The following C2CD3 variants were observed in gnomAD, a reference collection of about 807,000 sequenced individuals.
C2CD3 encodes the protein C2 domain-containing protein 3.
C2CD3 carries 148 observed loss-of-function variants against 234.0 expected under a neutral mutation model. That is an observed-to-expected ratio of 0.63 (90% CI 0.55 to 0.72). The LOEUF (loss-of-function observed/expected upper bound fraction) is 0.72, where lower values mean the gene tolerates loss of function less well. C2CD3 is among the 30% of genes least tolerant of loss of function. The pLI, the probability that C2CD3 is intolerant of heterozygous loss-of-function variation, is 0.00. For missense variants in C2CD3, 2,577 were observed against 2,811.5 expected, an observed-to-expected ratio of 0.92 and a Z score of 1.89; for synonymous variants, 1,000 against 1,035.4, an observed-to-expected ratio of 0.97 and a Z score of 0.66.
At chr11:74,049,693 C>G in intron 26 of C2CD3, 151 bp from the exon 27 acceptor site, 1 of 636,166 alleles carries the variant, frequency 1.6e-6, no homozygotes, top group African/African-American at 1.8e-5. Context: ...TTGAGAGGGA[C>G]TGGCAACCAA....
At chr11:74,033,251 C>T in intron 31 of C2CD3, 100 bp downstream of exon 31, 1 of 930,674 alleles carries the variant, frequency 1.1e-6, no homozygotes. Context: ...CTTTCCATGC[C>T]CCCTAGTGCA....
At chr11:74,076,126 A>C (rs1292470630) in intron 23 of C2CD3, among the ~76,000 whole-genome samples, 1 of 152,224 alleles carries the variant, frequency 6.6e-6, no homozygotes, top group Non-Finnish European at 1.5e-5. Context: ...AACTTGGTTC[A>C]CTTCAAGGAC....
chr11:74,082,201 C>T (rs886977454), intron 22 of C2CD3, among the ~76,000 whole-genome samples: 16 of 151,676 alleles, frequency 1.1e-4, no homozygotes, highest in African/African-American at 2.9e-4. Flanking sequence ...CTAAATACTC[C>T]GCCTCCCGGG....
chr11:74,123,161 A>T, intron 7 of C2CD3, 26 bp from the exon 8 acceptor site: 1 of 1,584,554 alleles, frequency 6.3e-7, no homozygotes, highest in Non-Finnish European at 8.6e-7. Flanking sequence ...AACAAAGCAG[A>T]AGAATTTTAA....
In C2CD3 at chr11:74,170,879, C is replaced by A. The variant is rs1591000233; in HGVS notation, c.-87G>T. ...CCGCCATCCCTCCCCACGGCGCCTG[C>A]GTTCCCCGGCAACCGGCGCCGCTGG... On this transcript the variant is annotated 5_prime_UTR_variant, in exon 1 of 33. Coordinates refer to ENST00000334126, the MANE Select transcript of C2CD3 (RefSeq NM_001286577.2). 6.6e-7 allele frequency: 1 copy of A among 1,505,078 alleles called. No individual in the cohort carries two copies. The highest frequency in any genetic ancestry group is 2.6e-5 in the East Asian group (1 of 38,142). 93.2% of individuals were successfully genotyped at this position (1,505,078 alleles called of 1,614,324 possible).
Position 74,095,402 on chromosome 11 carries a change from C to T in C2CD3, c.2986G>A (p.Asp996Asn), listed in dbSNP as rs768362091. 1 of 1,609,350 alleles carries T rather than the reference C, an allele frequency of 6.2e-7. No individual in the cohort carries two copies. Residue 996 changes from aspartate (D) to asparagine (N), a missense_variant, in exon 17 of 33, where the codon GAC becomes AAC. Physicochemically the swap from Asp to Asn is conservative, Grantham distance 23 (BLOSUM62 1). Coordinates refer to ENST00000334126, the MANE Select transcript of C2CD3 (RefSeq NM_001286577.2). ...TGCTCCATCAGTCCATTTCCTCGGT[C>T]CTCTGCCTATTAAATGAAACAGAAA... ...PTAASVAMAE[D>N]RGNGLMEHCF...
intron 20 of C2CD3, among the ~76,000 whole-genome samples, chr11:74,089,650 C>A (rs980736188): frequency 6.6e-6 from 1 of 152,194 alleles, no homozygotes; most frequent in African/African-American, 2.4e-5. Context: ...GGAGCCTGAT[C>A]TAGTTCTCTT....
rs1555071894 is a variant in C2CD3, at chr11:74,170,856, GC to G, written c.-65del. The G allele has an allele frequency of 3.1e-6, 5 of 1,599,136 alleles. No individual in the cohort carries two copies. Among genetic ancestry groups the G allele is most frequent in the Middle Eastern group, 1.7e-4 (1 of 5,776 alleles). On this transcript the variant is annotated 5_prime_UTR_variant, in exon 1 of 33. The change creates a premature stop within an existing upstream ORF in the 5' untranslated region. Coordinates refer to ENST00000334126, the MANE Select transcript of C2CD3 (RefSeq NM_001286577.2). ...TCCAGCACCTAAGCAGTATCCTCCCGCCATCCCTCCCCACGGCGCCTGCGTT... is the reference window on the plus strand; with the variant it reads ...TCCAGCACCTAAGCAGTATCCTCCCGCATCCCTCCCCACGGCGCCTGCGTT...
rs1855553573 is a variant in C2CD3 at position 74,150,517 on chromosome 11, AAAAAAAAAAC to A, written c.484-10699_484-10690del. 2.3e-3 allele frequency among the ~76,000 whole-genome samples: 160 copies of A among 69,814 alleles called. 2 individuals are homozygous for A. Among genetic ancestry groups the A allele is most frequent in the African/African-American group, 5.9e-3 (102 of 17,390 alleles). The allele number at this position is 69,814 out of a possible 152,430, so 45.8% of individuals were successfully genotyped here. Reference sequence around the variant, plus strand: ...CAAAAAAAAAAAAAAAAAAAAAAACAAAAAAAAAACAAAACAAATTTCTAAGCTTTTTAAA... The same window carrying A: ...CAAAAAAAAAAAAAAAAAAAAAAACAAAAACAAATTTCTAAGCTTTTTAAA... On this transcript the variant is annotated intron_variant, in intron 3 of 32. Coordinates refer to ENST00000334126, the MANE Select transcript of C2CD3 (RefSeq NM_001286577.2).
At chr11:74,014,232 C>T (rs961221079) in intron 32 of C2CD3, among the ~76,000 whole-genome samples, 10 of 152,194 alleles carry the variant, frequency 6.6e-5, no homozygotes, top group African/African-American at 2.4e-4. Flanking sequence ...GGAAAGCCAT[C>T]CCAGACAGCT....
intron 24 of C2CD3, among the ~76,000 whole-genome samples, chr11:74,060,059 G>A (rs1294620289): frequency 6.6e-6 from 1 of 152,228 alleles, no homozygotes; most frequent in African/African-American, 2.4e-5. Context: ...AGGTGGCAGT[G>A]AGGCTGGGGG....
At chr11:74,128,105 C>T (rs1048946930) in intron 7 of C2CD3, among the ~76,000 whole-genome samples, 4 of 152,156 alleles carry the variant, frequency 2.6e-5, no homozygotes, top group South Asian at 2.1e-4. Flanking sequence ...CCTCGTGATC[C>T]GCCTGCCTCG....
Position 74,023,542 on chromosome 11 carries a change from T to G in C2CD3, c.6921+4745A>C, listed in dbSNP as rs149888562. Among the ~76,000 whole-genome samples, 4 of 152,370 alleles carry G rather than the reference T, an allele frequency of 2.6e-5. No individual in the cohort carries two copies. In the East Asian group the frequency reaches 7.7e-4, roughly 29 times the overall value. ...CCTACCACCAATCTCTAATCCTGTC[T>G]GCTTTAGCACCCATCTTCTCTGCCT... On this transcript the variant is annotated intron_variant, in intron 32 of 32. Transcript: ENST00000334126.
intron 19 of C2CD3, chr11:74,091,495 T>C (rs992809892): frequency 7.2e-5 from 11 of 152,416 alleles, no homozygotes; most frequent in African/African-American, 2.7e-4. Context: ...TTTTGGCAGA[T>C]ACTCTTTAGC....
chr11:74,048,322 G>A lies in C2CD3; in HGVS notation c.5378C>T (p.Pro1793Leu), dbSNP rs767013666. 6.2e-7 allele frequency: 1 copy of A among 1,613,578 alleles called. No individual in the cohort carries two copies. The highest frequency in any genetic ancestry group is 1.1e-5 in the South Asian group (1 of 91,038). Residue 1793 changes from proline (P) to leucine (L), a missense_variant, in exon 28 of 33, where the codon CCC becomes CTC. Physicochemically the swap from Pro to Leu is moderately conservative, Grantham distance 98. Transcript: ENST00000334126. ...CGTATCAGAGGCAGGGAAGGAAAAG[G>A]GACTGTATATTGGGATCTGTAAACA... is the stretch of plus-strand genomic sequence containing the variant. ...TSKSLIPIYS[P>L]FSFPASDTYA...
intron 2 of C2CD3, among the ~76,000 whole-genome samples, chr11:74,162,156 T>C (rs550344468): frequency 4.6e-5 from 7 of 152,256 alleles, no homozygotes; most frequent in African/African-American, 1.4e-4. Flanking sequence ...AATTGATCTA[T>C]GTACCAGAAT....
intron 24 of C2CD3, chr11:74,070,890 T>A: frequency 6.6e-6 from 1 of 152,186 alleles, no homozygotes; most frequent in South Asian, 2.1e-4. Context: ...AATGCCTTTT[T>A]CCTCTTTCAT....
intron 18 of C2CD3, among the ~76,000 whole-genome samples, chr11:74,093,243 C>G (rs912576740): frequency 2.7e-5 from 4 of 149,776 alleles, no homozygotes; most frequent in African/African-American, 4.9e-5. Flanking sequence ...GTTGAACATC[C>G]GTATTTATGC....
rs1167912200 is a variant in C2CD3, at chr11:74,049,422, T to C, written c.5276A>G (p.Lys1759Arg). The change falls in exon 27 of 33, where the codon AAA becomes AGA. Residue 1759 changes from lysine (K) to arginine (R), a missense_variant. Coordinates refer to ENST00000334126, the MANE Select transcript of C2CD3 (RefSeq NM_001286577.2). ...DFSGECQGQIKVAVSPLESLI... is the reference protein window; with the variant it reads ...DFSGECQGQIRVAVSPLESLI... ...ACTCTCCAAAGGGGAGACAGCAACTTTTATCTGCCCCTGGCACTCTCCACT... is the reference window on the plus strand; with the variant it reads ...ACTCTCCAAAGGGGAGACAGCAACTCTTATCTGCCCCTGGCACTCTCCACT... 6.8e-6 allele frequency: 11 copies of C among 1,613,928 alleles called. No individual in the cohort carries two copies. Among genetic ancestry groups the C allele is most frequent in the Non-Finnish European group, 9.3e-6 (11 of 1,179,992 alleles).
Sources: gnomAD v4.1 joint callset for allele counts (sites outside exome capture counted in the v4.1 genomes callset) on GRCh38, gnomAD v4.1.1 for gene constraint, MANE v1.5 for transcripts, NCBI Gene and HGNC (gene_info 2026-07-23, HGNC 2026-07-21) for gene names.